The following RORA variants were observed in gnomAD, a reference collection of about 807,000 sequenced individuals.
The protein encoded by RORA is nuclear receptor ROR-alpha.
Under a neutral mutation model 69.5 loss-of-function variants are expected in RORA, and 7 were observed. The observed-to-expected ratio is 0.10, with a 90% CI of 0.06 to 0.19. The LOEUF is 0.19. Among genes scored for constraint, RORA ranks in the 10% least tolerant of loss-of-function variants. The pLI is 1.00. For synonymous variants in RORA, 261 were observed against 240.8 expected (o/e 1.08, Z -0.78); for missense variants, 457 against 663.0 (o/e 0.69, Z 3.41).
At chr15:60,737,993 G>C (rs539160757) in intron 1 of RORA, among the ~76,000 whole-genome samples, 1 of 152,202 alleles carries the variant, frequency 6.6e-6, no homozygotes, top group Non-Finnish European at 1.5e-5. Context: ...CTCCTGGATT[G>C]GGTCATAAAT....
intron 1 of RORA, among the ~76,000 whole-genome samples, chr15:60,904,369 G>A (rs1891473706): frequency 6.6e-6 from 1 of 152,198 alleles, no homozygotes. Context: ...AACTTGAACT[G>A]TAGCAACAAT....
At chr15:61,031,851 A>G (rs1048376123) in intron 1 of RORA, among the ~76,000 whole-genome samples, 1 of 152,204 alleles carries the variant, frequency 6.6e-6, no homozygotes, top group Non-Finnish European at 1.5e-5. Flanking sequence ...TTCTTATGCA[A>G]AAGACTATAT....
rs890589507 is a variant in RORA, at chr15:61,061,129, G to A, written c.166+167924C>T. Reference sequence around the variant, plus strand: ...AGCACTTTGGGAGGCCGAGGCGGGCGGATCACAAGATCAGGAGATCGAGAC... The same window carrying A: ...AGCACTTTGGGAGGCCGAGGCGGGCAGATCACAAGATCAGGAGATCGAGAC... On this transcript the variant is annotated intron_variant, in intron 1 of 10. Transcript: ENST00000335670. This position sits in a 1 kb window ranked among gnomAD's most constrained non-coding sequence, Gnocchi z 4.4. 2.0e-5 allele frequency among the ~76,000 whole-genome samples: 3 copies of A among 152,052 alleles called. No homozygotes were observed. Among genetic ancestry groups the A allele is most frequent in the East Asian group, 1.9e-4 (1 of 5,174 alleles).
At chr15:60,508,842 C>A (rs966862611) in intron 5 of RORA, among the ~76,000 whole-genome samples, 1 of 152,148 alleles carries the variant, frequency 6.6e-6, no homozygotes, top group Non-Finnish European at 1.5e-5. Context: ...TAGTAACAAA[C>A]CTAATTTGCA....
chr15:60,667,790 T>C (rs1023045295), intron 2 of RORA, among the ~76,000 whole-genome samples: 1 of 152,032 alleles, frequency 6.6e-6, no homozygotes, highest in Non-Finnish European at 1.5e-5. Context: ...CAGCTAATTT[T>C]CTTTTTATTT....
chr15:60,991,044 A>G (rs1894361110), intron 1 of RORA, among the ~76,000 whole-genome samples: 1 of 152,214 alleles, frequency 6.6e-6, no homozygotes, highest in East Asian at 1.9e-4. Flanking sequence ...TTCATTTTTC[A>G]TTTATTCAAT....
chr15:60,747,705 A>T (rs2071667993), intron 1 of RORA, among the ~76,000 whole-genome samples: 4 of 152,170 alleles, frequency 2.6e-5, no homozygotes, highest in Admixed American at 2.6e-4. Flanking sequence ...GCTGGAGGAC[A>T]CAAGCAAGGC....
At chr15:61,178,297 C>T (rs2079650043) in intron 1 of RORA, among the ~76,000 whole-genome samples, 1 of 152,120 alleles carries the variant, frequency 6.6e-6, no homozygotes. Flanking sequence ...CCAAACCAAC[C>T]AACAGAAGGC....
chr15:60,560,263 TTTTG>T (rs2067492654), intron 2 of RORA, among the ~76,000 whole-genome samples: 3 of 152,244 alleles, frequency 2.0e-5, no homozygotes, highest in East Asian at 1.9e-4. Flanking sequence ...TTTTCTTTTG[TTTTG>T]TTTGTGTTCT....
chr15:60,817,683 CCA>C (rs2072836627), intron 1 of RORA, among the ~76,000 whole-genome samples: 1 of 152,206 alleles, frequency 6.6e-6, no homozygotes, highest in African/African-American at 2.4e-5. Context: ...CCTCTAGTTC[CCA>C]GGTACACGTT....
At chr15:61,188,200 A>G (rs4774391) in intron 1 of RORA, among the ~76,000 whole-genome samples, 151,721 of 152,224 alleles carry the variant, frequency 1, 75,610 homozygotes, top group Middle Eastern at 1. Context: ...GAGTGGGGAT[A>G]GGGAAACTCT....
chr15:60,966,590 C>G (rs147798862), intron 1 of RORA, among the ~76,000 whole-genome samples: 2 of 152,262 alleles, frequency 1.3e-5, no homozygotes, highest in Admixed American at 6.5e-5. Flanking sequence ...GAATAAGTAA[C>G]CAGAATGTTA....
At chr15:60,519,004 CAGT>C (rs1257939775) in intron 3 of RORA, among the ~76,000 whole-genome samples, 1 of 152,174 alleles carries the variant, frequency 6.6e-6, no homozygotes, top group Non-Finnish European at 1.5e-5. Context: ...ACTTTTATTA[CAGT>C]ATATTTTAAT....
In RORA at chr15:60,915,742, G is replaced by A. The variant is rs1891854868; in HGVS notation, c.167-237056C>T. Among the ~76,000 whole-genome samples the A allele has an allele frequency of 2.6e-5, 4 of 152,288 alleles. No individual in the cohort carries two copies. The South Asian group carries it at 8.3e-4, about 32-fold the overall frequency. On this transcript the variant is annotated intron_variant, in intron 1 of 10. Transcript: ENST00000335670. ...TCGGCTTGAAGAAGTGGAAGAGGAA[G>A]CAGCATAAGATCAGAATTCTAGCTC...
At chr15:60,996,693 G>A (rs1045176301) in intron 1 of RORA, among the ~76,000 whole-genome samples, 4 of 152,186 alleles carry the variant, frequency 2.6e-5, no homozygotes, top group Admixed American at 1.3e-4. Context: ...GGTGGATCAC[G>A]AGGTCAGGAG....
chr15:60,837,025 T>C (rs1053985886), intron 1 of RORA, among the ~76,000 whole-genome samples: 3 of 146,148 alleles, frequency 2.1e-5, no homozygotes, highest in African/African-American at 7.4e-5. Flanking sequence ...AAAATTCATA[T>C]TCATACCTTG....
At chr15:61,098,560 C>T (rs1029799738) in intron 1 of RORA, among the ~76,000 whole-genome samples, 3 of 152,162 alleles carry the variant, frequency 2.0e-5, no homozygotes, top group South Asian at 2.1e-4. Flanking sequence ...CCAGGCTAGT[C>T]TCGAGCTCCT....
At chr15:61,049,112 T>G (rs554790383) in intron 1 of RORA, among the ~76,000 whole-genome samples, 1 of 152,336 alleles carries the variant, frequency 6.6e-6, no homozygotes, top group South Asian at 2.1e-4. Context: ...GGAGGCTCAG[T>G]GTTTTCGGAA....
At chr15:60,503,462 C>A in intron 7 of RORA, 73 bp downstream of exon 7, 8 of 1,511,684 alleles carry the variant, frequency 5.3e-6, no homozygotes, top group Non-Finnish European at 7.3e-6. Flanking sequence ...ACCTTCCTTA[C>A]CAAGCATTTC....
Sources: allele counts gnomAD v4.1 joint callset (sites outside exome capture counted in the v4.1 genomes callset), GRCh38; gene constraint gnomAD v4.1.1; non-coding constraint Gnocchi (gnomAD v3.1); transcripts MANE v1.5; gene names NCBI Gene and HGNC (gene_info 2026-07-23, HGNC 2026-07-21).